Variants in DENND5B observed in about 807,000 individuals in gnomAD.
DENND5B encodes DENN domain containing 5B.
Under a neutral mutation model 140.6 loss-of-function variants are expected in DENND5B, and 34 were observed. That is an observed-to-expected ratio of 0.24 (90% CI 0.18 to 0.32). DENND5B has a LOEUF of 0.32. Among genes scored for constraint, DENND5B ranks in the 10% least tolerant of loss-of-function variants. The pLI, the probability that DENND5B is intolerant of heterozygous loss-of-function variation, is 1.00. For missense variants in DENND5B, 1,142 were observed against 1,560.2 expected (o/e 0.73, Z 4.52); for synonymous variants, 551 against 562.1 (o/e 0.98, Z 0.28).
At chr12:31,509,255 T>A (rs1041111292) in intron 1 of DENND5B, among the ~76,000 whole-genome samples, 1 of 152,166 alleles carries the variant, frequency 6.6e-6, no homozygotes, top group Non-Finnish European at 1.5e-5. Context: ...CCCTCAAAGC[T>A]TTTCCTCTGT....
intron 1 of DENND5B, among the ~76,000 whole-genome samples, chr12:31,545,032 T>G (rs1284253214): frequency 2.0e-5 from 3 of 152,102 alleles, no homozygotes; most frequent in Non-Finnish European, 4.4e-5. Flanking sequence ...GAATCAGTTT[T>G]TAGACAATCG....
chr12:31,586,537 A>G (rs1405681430), intron 1 of DENND5B, among the ~76,000 whole-genome samples: 2 of 152,196 alleles, frequency 1.3e-5, no homozygotes, highest in Admixed American at 1.3e-4. Flanking sequence ...TTCAGCTATT[A>G]AGAGTTCTAC....
intron 8 of DENND5B, among the ~76,000 whole-genome samples, chr12:31,430,497 CAAAAAAAAAAAAAA>C (rs71062432): frequency 3.6e-5 from 2 of 56,070 alleles, no homozygotes; most frequent in East Asian, 1.2e-3. Context: ...ACTAAAAATA[CAAAAAAAAAAAAAA>C]AAAAAAAAAA....
chr12:31,516,625 T>C (rs1361305264), intron 1 of DENND5B, among the ~76,000 whole-genome samples: 1 of 152,186 alleles, frequency 6.6e-6, no homozygotes, highest in Admixed American at 6.5e-5. Flanking sequence ...CAATATACGA[T>C]TTATGTGCTC....
At chr12:31,531,536 T>C (rs1267427246) in intron 1 of DENND5B, among the ~76,000 whole-genome samples, 3 of 152,206 alleles carry the variant, frequency 2.0e-5, no homozygotes, top group African/African-American at 4.8e-5. Flanking sequence ...ACATATACTA[T>C]GGTAAAATGA....
chr12:31,556,200 TC>T (rs1235783652), intron 1 of DENND5B, among the ~76,000 whole-genome samples: 1 of 151,902 alleles, frequency 6.6e-6, no homozygotes, highest in Non-Finnish European at 1.5e-5. Context: ...TCTTGGCTCC[TC>T]CCCCCTTTTT....
At chr12:31,501,741 C>A (rs1947011484) in intron 1 of DENND5B, among the ~76,000 whole-genome samples, 1 of 141,998 alleles carries the variant, frequency 7.0e-6, no homozygotes, top group East Asian at 2.1e-4. Context: ...CCACTGCACT[C>A]CAGCCTGGGC....
At chr12:31,405,327 C>T (rs1942062923) in intron 14 of DENND5B, among the ~76,000 whole-genome samples, 1 of 151,516 alleles carries the variant, frequency 6.6e-6, no homozygotes, top group Non-Finnish European at 1.5e-5. Context: ...AGTGATCCTC[C>T]CACCTCGGCC....
intron 15 of DENND5B, among the ~76,000 whole-genome samples, chr12:31,401,187 G>C (rs1375742791): frequency 1.3e-5 from 2 of 152,192 alleles, no homozygotes; most frequent in Non-Finnish European, 2.9e-5. Context: ...ATCTCAGTGA[G>C]AAGGCATCAC....
At chr12:31,589,091 A>C (rs1280188449) in intron 1 of DENND5B, among the ~76,000 whole-genome samples, 1 of 152,224 alleles carries the variant, frequency 6.6e-6, no homozygotes, top group East Asian at 1.9e-4. Context: ...TCAGTAGGCA[A>C]ACGGAAAAGA....
intron 3 of DENND5B, among the ~76,000 whole-genome samples, chr12:31,474,865 T>C (rs1945720861): frequency 6.6e-6 from 1 of 152,216 alleles, no homozygotes; most frequent in Non-Finnish European, 1.5e-5. Flanking sequence ...CACAGCGCTT[T>C]CATTTTATAC....
intron 1 of DENND5B, among the ~76,000 whole-genome samples, chr12:31,565,548 T>C (rs942848476): frequency 1.1e-4 from 16 of 152,336 alleles, no homozygotes; most frequent in African/African-American, 3.8e-4. Flanking sequence ...AAAGTTAGTC[T>C]TGTTTTCATT....
At chr12:31,476,915 T>C (rs1945839133) in intron 3 of DENND5B, among the ~76,000 whole-genome samples, 1 of 152,204 alleles carries the variant, frequency 6.6e-6, no homozygotes, top group Admixed American at 6.6e-5. Context: ...TTAAGATTTC[T>C]TCTAAGTCTA....
intron 1 of DENND5B, among the ~76,000 whole-genome samples, chr12:31,574,580 A>G (rs1565710391): frequency 6.6e-6 from 1 of 151,754 alleles, no homozygotes; most frequent in African/African-American, 2.4e-5. Context: ...ACAGAGCGAG[A>G]CTCTGCCTCA....
intron 1 of DENND5B, among the ~76,000 whole-genome samples, chr12:31,557,570 C>T (rs1256388997): frequency 6.6e-6 from 1 of 151,862 alleles, no homozygotes; most frequent in Non-Finnish European, 1.5e-5. Context: ...GTTGTAGAAA[C>T]AGGGTTTCAC....
chr12:31,451,676 T>C lies in DENND5B; in HGVS notation c.1629+264A>G. 1.2e-5 allele frequency: 5 copies of C among 404,204 alleles called. No homozygotes were observed. The South Asian group carries it at 1.5e-4, about 12-fold the overall frequency. The allele number at this position is 404,204 out of a possible 1,614,324, so 25.0% of individuals were successfully genotyped here. On this transcript the variant is annotated intron_variant, in intron 5 of 20. Transcript: ENST00000389082. ...GGTAAAGAAAAATTGAAAATGAGAT[T>C]ACAGGCAATTTAACGCACAATTTAA...
intron 1 of DENND5B, chr12:31,534,740 C>G (rs1406697953): frequency 2.8e-6 from 1 of 357,636 alleles, no homozygotes; most frequent in Non-Finnish European, 5.5e-6. Flanking sequence ...ATTTGTATAG[C>G]CTTCCACCAT....
chr12:31,496,636 G>A (rs891164597), intron 1 of DENND5B, among the ~76,000 whole-genome samples: 2 of 152,126 alleles, frequency 1.3e-5, no homozygotes, highest in African/African-American at 2.4e-5. Context: ...GGCTGAGGTA[G>A]GAGGATTGCT....
At chr12:31,550,439 C>T (rs1187610065) in intron 1 of DENND5B, among the ~76,000 whole-genome samples, 2 of 151,888 alleles carry the variant, frequency 1.3e-5, no homozygotes, top group Non-Finnish European at 2.9e-5. Context: ...GTATATGTGC[C>T]ACATTTTCTT....
Sources: gnomAD v4.1 joint callset for allele counts (sites outside exome capture counted in the v4.1 genomes callset) on GRCh38, gnomAD v4.1.1 for gene constraint, MANE v1.5 for transcripts, NCBI Gene and HGNC (gene_info 2026-07-23, HGNC 2026-07-21) for gene names.